The following CAMTA1 variants were observed in gnomAD, a reference collection of about 807,000 sequenced individuals.
CAMTA1 encodes calmodulin-binding transcription activator 1.
A neutral mutation model predicts 170.9 loss-of-function variants in CAMTA1; 27 were observed. The observed-to-expected ratio is 0.16, with a 90% confidence interval of 0.12 to 0.22. The LOEUF is 0.22. CAMTA1 is among the 10% of genes least tolerant of loss of function. The pLI, the probability that CAMTA1 is intolerant of heterozygous loss-of-function variation, is 1.00. For synonymous variants in CAMTA1, 833 were observed against 891.5 expected (o/e 0.93, Z 1.17); for missense variants, 1,619 against 2,217.2 (o/e 0.73, Z 5.42).
Position 7,502,896 on chromosome 1 carries a change from GCCCCTGCCCCGCAC to G in CAMTA1, c.510+35013_510+35026del, listed in dbSNP as rs568717958. Among the ~76,000 whole-genome samples, 32 of 152,228 alleles carry G rather than the reference GCCCCTGCCCCGCAC, an allele frequency of 2.1e-4. No homozygotes were observed. In the South Asian group the frequency reaches 3.3e-3, roughly 16 times the overall value. On this transcript the variant is annotated intron_variant, in intron 6 of 22. Coordinates refer to ENST00000303635, the MANE Select transcript of CAMTA1 (RefSeq NM_015215.4). The stretch of plus-strand genomic sequence containing the variant: ...GCGAGGCAGGCAGCCCTGCCCTGTG[GCCCCTGCCCCGCAC>G]CCCCTGCCCCGCACCCCATGGCTCA...
Position 7,663,347 on chromosome 1 carries a change from C to A in CAMTA1, c.806-6C>A. The A allele has an allele frequency of 6.7e-7, 1 of 1,498,492 alleles. No homozygotes were observed. Among genetic ancestry groups the A allele is most frequent in the Non-Finnish European group, 9.0e-7 (1 of 1,113,840 alleles). The allele number at this position is 1,498,492 out of a possible 1,614,324, so 92.8% of individuals were successfully genotyped here. A position where few individuals can be genotyped will look rare whatever the true frequency, so the allele number is the denominator to read the frequency against. Reference sequence around the variant, plus strand: ...GCGTGCGCGTGTTGTGTTCCGATCTCCGCAGGAGCTGGCGGCAGCGTGCAT... The same window carrying A: ...GCGTGCGCGTGTTGTGTTCCGATCTACGCAGGAGCTGGCGGCAGCGTGCAT... On this transcript the variant is annotated splice_region_variant and splice_polypyrimidine_tract_variant and intron_variant, in intron 8 of 22. Coordinates refer to ENST00000303635, the MANE Select transcript of CAMTA1 (RefSeq NM_015215.4).
chr1:7,531,913 G>A (rs1212307313), intron 6 of CAMTA1, among the ~76,000 whole-genome samples: 2 of 152,312 alleles, frequency 1.3e-5, no homozygotes, highest in East Asian at 3.9e-4. Context: ...CCTTTGGGCT[G>A]AATGTTGGCT....
chr1:7,123,098 G>A lies in CAMTA1; in HGVS notation c.302+31727G>A, dbSNP rs758607874. 3.9e-5 allele frequency among the ~76,000 whole-genome samples: 6 copies of A among 152,162 alleles called. No homozygotes were observed. In the East Asian group the frequency reaches 7.7e-4, roughly 20 times the overall value. ...AGCCAGCATGATGGTTGGGCACCAC[G>A]TGAGTTTCCAGGAGCTGACCTGACA... On this transcript the variant is annotated intron_variant, in intron 4 of 22. Coordinates refer to ENST00000303635, the MANE Select transcript of CAMTA1 (RefSeq NM_015215.4).
intron 3 of CAMTA1, among the ~76,000 whole-genome samples, chr1:7,039,652 G>A (rs1220734448): frequency 6.6e-6 from 1 of 152,278 alleles, no homozygotes; most frequent in East Asian, 1.9e-4. Context: ...AATGGGAATC[G>A]CTTTAAAGTC....
chr1:7,624,532 T>C (rs541216740), intron 6 of CAMTA1, among the ~76,000 whole-genome samples: 137 of 152,232 alleles, frequency 9.0e-4, no homozygotes, highest in African/African-American at 3.2e-3. Context: ...CACTCTGCCT[T>C]GGTGAAGGTG....
intron 6 of CAMTA1, among the ~76,000 whole-genome samples, chr1:7,529,874 T>C (rs1459035134): frequency 2.6e-5 from 4 of 152,170 alleles, no homozygotes; most frequent in Non-Finnish European, 5.9e-5. Flanking sequence ...AACCCAGAAG[T>C]GAGGCTGTCC....
chr1:7,628,686 C>T (rs1456400000), intron 6 of CAMTA1, among the ~76,000 whole-genome samples: 1 of 152,252 alleles, frequency 6.6e-6, no homozygotes, highest in African/African-American at 2.4e-5. Context: ...GATTCACTGC[C>T]TAATGGGGCA....
chr1:7,287,575 C>T (rs1672525595), intron 5 of CAMTA1, among the ~76,000 whole-genome samples: 1 of 151,424 alleles, frequency 6.6e-6, no homozygotes, highest in Admixed American at 6.6e-5. Flanking sequence ...AAGCCCTTTC[C>T]TTCTTCTTCT....
chr1:7,696,643 CCT>C (rs1333211955), intron 11 of CAMTA1, among the ~76,000 whole-genome samples: 4 of 152,126 alleles, frequency 2.6e-5, no homozygotes, highest in African/African-American at 9.7e-5. Flanking sequence ...TACACGGCAT[CCT>C]CTTTGAAGGC....
chr1:6,878,662 ACCGCT>A (rs1670610779), intron 3 of CAMTA1, among the ~76,000 whole-genome samples: 1 of 152,148 alleles, frequency 6.6e-6, no homozygotes, highest in Non-Finnish European at 1.5e-5. Flanking sequence ...TTTTCCAGGA[ACCGCT>A]CCCCCAAGGA....
intron 6 of CAMTA1, among the ~76,000 whole-genome samples, chr1:7,556,026 T>C (rs765978355): frequency 6.6e-6 from 1 of 152,160 alleles, no homozygotes; most frequent in Non-Finnish European, 1.5e-5. Context: ...ACAGGACCAC[T>C]TGGGGAAGCA....
At chr1:7,211,906 A>C (rs1323125707) in intron 4 of CAMTA1, among the ~76,000 whole-genome samples, 1 of 152,252 alleles carries the variant, frequency 6.6e-6, no homozygotes, top group African/African-American at 2.4e-5. Context: ...CATTGTGATG[A>C]TACCAATTCT....
chr1:7,646,431 A>AGG (rs2095805474), intron 7 of CAMTA1, among the ~76,000 whole-genome samples: 1 of 120,266 alleles, frequency 8.3e-6, no homozygotes, highest in African/African-American at 3.3e-5. Flanking sequence ...GGTGAGTGTG[A>AGG]CTGGAGGCCC....
chr1:7,176,534 C>T (rs1206745888), intron 4 of CAMTA1, among the ~76,000 whole-genome samples: 1 of 152,200 alleles, frequency 6.6e-6, no homozygotes, highest in Non-Finnish European at 1.5e-5. Context: ...TAAACTCCAG[C>T]TGCTCTTTGA....
intron 3 of CAMTA1, among the ~76,000 whole-genome samples, chr1:6,914,308 CG>C (rs1349398848): frequency 2.6e-5 from 4 of 152,098 alleles, no homozygotes; most frequent in African/African-American, 9.6e-5. Context: ...TTCACCATGT[CG>C]GCCAGGCTGG....
chr1:7,257,709 A>G (rs1220415982), intron 5 of CAMTA1, among the ~76,000 whole-genome samples: 1 of 98,342 alleles, frequency 1.0e-5, no homozygotes, highest in Non-Finnish European at 2.3e-5. Context: ...TCAGATAAAC[A>G]ACAGTTTTTT....
intron 6 of CAMTA1, among the ~76,000 whole-genome samples, chr1:7,546,474 G>C (rs928795424): frequency 6.6e-6 from 1 of 152,196 alleles, no homozygotes; most frequent in African/African-American, 2.4e-5. Context: ...ACACATGCAT[G>C]TATCTTTATA....
At chr1:7,569,400 A>G (rs377351494) in intron 6 of CAMTA1, among the ~76,000 whole-genome samples, 1,953 of 149,218 alleles carry the variant, frequency 0.013, 47 homozygotes, top group African/African-American at 0.046. Context: ...TCATCACCAC[A>G]TCACCATCAT....
chr1:7,117,138 T>G (rs1644381515), intron 4 of CAMTA1, among the ~76,000 whole-genome samples: 1 of 151,532 alleles, frequency 6.6e-6, no homozygotes, highest in Admixed American at 6.6e-5. Flanking sequence ...ACCCAGCTAA[T>G]TTTTGTATTT....
Sources: allele counts gnomAD v4.1 joint callset (sites outside exome capture counted in the v4.1 genomes callset), GRCh38; gene constraint gnomAD v4.1.1; transcripts MANE v1.5; gene names NCBI Gene and HGNC (gene_info 2026-07-23, HGNC 2026-07-21).